The following SIPA1L1 variants were observed in gnomAD, a reference collection of about 807,000 sequenced individuals.
SIPA1L1 encodes signal induced proliferation associated 1 like 1.
In SIPA1L1, 26 loss-of-function variants were observed where a neutral mutation model predicts 162.7. The observed-to-expected ratio is 0.16, with a 90% CI of 0.12 to 0.22. SIPA1L1 has a LOEUF of 0.22. SIPA1L1 is among the 10% of genes least tolerant of loss of function. SIPA1L1 has a pLI of 1.00. For synonymous variants in SIPA1L1, 829 were observed against 837.4 expected (o/e 0.99, Z 0.17); for missense variants, 1,874 against 2,241.0 (o/e 0.84, Z 3.31).
chr14:71,496,000 C>T (rs1272874633), intron 2 of SIPA1L1, among the ~76,000 whole-genome samples: 2 of 145,088 alleles, frequency 1.4e-5, no homozygotes, highest in Non-Finnish European at 3.0e-5. Flanking sequence ...GGGAGGATTG[C>T]TTGAGACTGC....
chr14:71,735,974 A>G lies in SIPA1L1; in HGVS notation c.5123+583A>G, dbSNP rs117742695. Among the ~76,000 whole-genome samples, 908 of 152,320 alleles carry G rather than the reference A, an allele frequency of 6.0e-3. 6 individuals carry two copies. Among genetic ancestry groups the G allele is most frequent in the Middle Eastern group, 0.017 (5 of 294 alleles). On this transcript the variant is annotated intron_variant, in intron 22 of 23. Transcript: ENST00000381232. The stretch of plus-strand genomic sequence containing the variant: ...TTTCTGTTTTCCCCTTAGTTTCAAA[A>G]TGGTGAGGTTGCTAGATTTATGTGT...
intron 2 of SIPA1L1, among the ~76,000 whole-genome samples, chr14:71,419,718 T>G (rs558155958): frequency 2.0e-5 from 3 of 151,846 alleles, no homozygotes; most frequent in Non-Finnish European, 4.4e-5. Flanking sequence ...AGGATGGTCT[T>G]GATCTCCTGA....
At chr14:71,573,411 C>T in intron 4 of SIPA1L1, 1 of 368,220 alleles carries the variant, frequency 2.7e-6, no homozygotes, top group Non-Finnish European at 5.4e-6. Context: ...GCCTGAAGCA[C>T]TTACATTTCA....
intron 4 of SIPA1L1, among the ~76,000 whole-genome samples, chr14:71,551,686 A>G (rs556810098): frequency 3.3e-5 from 5 of 152,130 alleles, no homozygotes; most frequent in African/African-American, 1.2e-4. Context: ...CCAACCCCAT[A>G]CCAGGCCCTG....
intron 17 of SIPA1L1, among the ~76,000 whole-genome samples, chr14:71,721,084 T>A (rs1274434169): frequency 6.6e-6 from 1 of 152,200 alleles, no homozygotes; most frequent in Non-Finnish European, 1.5e-5. Flanking sequence ...GTACCCGTCC[T>A]TCTGGAAAAG....
intron 2 of SIPA1L1, among the ~76,000 whole-genome samples, chr14:71,356,106 C>G (rs936317568): frequency 1.1e-4 from 17 of 152,156 alleles, no homozygotes; most frequent in African/African-American, 4.1e-4. Flanking sequence ...GCAAGACTCA[C>G]CCCCCTTCTT....
chr14:71,614,188 A>C (rs2038554610), intron 5 of SIPA1L1, among the ~76,000 whole-genome samples: 1 of 151,626 alleles, frequency 6.6e-6, no homozygotes, highest in African/African-American at 2.4e-5. Context: ...ACGGCACTCC[A>C]GTCTGGGCCA....
intron 2 of SIPA1L1, among the ~76,000 whole-genome samples, chr14:71,336,315 A>G (rs935360318): frequency 6.6e-6 from 1 of 152,170 alleles, no homozygotes; most frequent in Non-Finnish European, 1.5e-5. Flanking sequence ...ATTACCCCGC[A>G]AAGAAACTCC....
intron 2 of SIPA1L1, among the ~76,000 whole-genome samples, chr14:71,327,120 T>C (rs1046958910): frequency 3.4e-5 from 5 of 149,100 alleles, no homozygotes; most frequent in African/African-American, 1.2e-4. Flanking sequence ...TTTGCTCTTG[T>C]CATGCAGGCT....
intron 3 of SIPA1L1, among the ~76,000 whole-genome samples, chr14:71,519,962 C>CTGGTTG (rs1416021768): frequency 6.6e-6 from 1 of 152,024 alleles, no homozygotes; most frequent in Non-Finnish European, 1.5e-5. Flanking sequence ...AAATGATTAG[C>CTGGTTG]TGGTTGTGGT....
chr14:71,574,517 T>G (rs2147099529), intron 4 of SIPA1L1: 1 of 152,324 alleles, frequency 6.6e-6, no homozygotes, highest in South Asian at 2.1e-4. Flanking sequence ...AGAGGCTATC[T>G]CCTTGAGGAT....
chr14:71,363,417 T>C (rs1214337436), intron 2 of SIPA1L1, among the ~76,000 whole-genome samples: 1 of 152,110 alleles, frequency 6.6e-6, no homozygotes, highest in Non-Finnish European at 1.5e-5. Context: ...GAAAACCACA[T>C]TGCATAGAAA....
At chr14:71,488,794 G>A (rs75830664) in intron 2 of SIPA1L1, among the ~76,000 whole-genome samples, 1,556 of 152,248 alleles carry the variant, frequency 0.01, 15 homozygotes, top group Non-Finnish European at 0.015. Flanking sequence ...ATCTTCTTCT[G>A]GATGGTATTC....
At chr14:71,334,978 A>G (rs1007304935) in intron 2 of SIPA1L1, among the ~76,000 whole-genome samples, 17 of 152,216 alleles carry the variant, frequency 1.1e-4, no homozygotes, top group Non-Finnish European at 2.4e-4. Context: ...TTTATAATCT[A>G]TACTTTCCTA....
Position 71,672,541 on chromosome 14 carries a change from A to G in SIPA1L1, c.3023A>G (p.Glu1008Gly). 7.4e-6 allele frequency: 12 copies of G among 1,614,194 alleles called. No individual in the cohort carries two copies. The highest frequency in any genetic ancestry group is 1.0e-5 in the Non-Finnish European group (12 of 1,180,040). Residue 1008 changes from glutamate (E) to glycine (G), a missense_variant, in exon 12 of 24, where the codon GAG becomes GGG. Around this residue, in one of 5 missense-constraint regions of SIPA1L1, gnomAD observed 936 missense variants for 1,051.9 expected, o/e 0.89. Coordinates refer to ENST00000381232, the MANE Select transcript of SIPA1L1 (RefSeq NM_001386936.1). ...CKVAVATLSH[E>G]QMIDLLRTSV... ...GTGGCGGTAGCCACTCTGAGCCATG[A>G]GCAGATGATCGACCTCCTGAGAACA...
chr14:71,585,165 G>A (rs554590456), intron 4 of SIPA1L1, among the ~76,000 whole-genome samples: 50 of 150,466 alleles, frequency 3.3e-4, no homozygotes, highest in South Asian at 6.3e-4. Context: ...GAGGGAGGGA[G>A]ATGGAAAATG....
intron 2 of SIPA1L1, among the ~76,000 whole-genome samples, chr14:71,436,890 G>T (rs1457117446): frequency 1.3e-5 from 2 of 151,324 alleles, no homozygotes; most frequent in Admixed American, 1.3e-4. Context: ...TCAGTCTCTG[G>T]AGTAGCTGGG....
At chr14:71,513,693 A>G (rs578228722) in intron 3 of SIPA1L1, among the ~76,000 whole-genome samples, 3 of 152,200 alleles carry the variant, frequency 2.0e-5, no homozygotes, top group African/African-American at 4.8e-5. Flanking sequence ...GGGTCTTGCT[A>G]TGTTGCCTAG....
chr14:71,502,255 A>AATATATATATATATATATATATATAT (rs60241101), intron 2 of SIPA1L1, among the ~76,000 whole-genome samples: 1 of 97,556 alleles, frequency 1.0e-5, no homozygotes, highest in Non-Finnish European at 1.9e-5. Context: ...AAAAAAAAAA[A>AATATATATATATATATATATATATAT]ATATATATAT....
Sources: gnomAD v4.1 joint callset for allele counts (sites outside exome capture counted in the v4.1 genomes callset) on GRCh38, gnomAD v4.1.1 for gene constraint, gnomAD v4.1.1 regional missense constraint, MANE v1.5 for transcripts, NCBI Gene and HGNC (gene_info 2026-07-23, HGNC 2026-07-21) for gene names.